Variants in SAMD4B observed in about 807,000 individuals in gnomAD.
The protein encoded by SAMD4B is protein Smaug homolog 2.
SAMD4B carries 5 observed loss-of-function variants against 74.5 expected under a neutral mutation model. The ratio of observed to expected loss-of-function variants is 0.07; its 90% CI spans 0.04 to 0.14. SAMD4B has a LOEUF of 0.14. Among genes scored for constraint, SAMD4B ranks in the 10% least tolerant of loss-of-function variants. SAMD4B has a pLI of 1.00. For missense variants in SAMD4B, 608 were observed against 921.8 expected (o/e 0.66, Z 4.41); for synonymous variants, 373 against 374.9 (o/e 1.00, Z 0.06).
At chr19:39,389,118 T>G (rs754387009), downstream of SAMD4B, 3 of 1,614,128 alleles carry the variant, frequency 1.9e-6, no homozygotes, top group Non-Finnish European at 2.5e-6. The surrounding 1 kb of genome is among the most constrained non-coding windows in gnomAD (Gnocchi z 5.3). Context: ...CTCAAAAGTC[T>G]TCTCAATGGC....
At chr19:39,366,714 A>C (rs1459132736) in intron 3 of SAMD4B, among the ~76,000 whole-genome samples, 1 of 152,214 alleles carries the variant, frequency 6.6e-6, no homozygotes, top group African/African-American at 2.4e-5. Context: ...ATGCAAGGCC[A>C]GGTGTCCATC....
intron 4 of SAMD4B, among the ~76,000 whole-genome samples, chr19:39,372,217 A>C (rs1411666083): frequency 1.3e-5 from 2 of 152,190 alleles, no homozygotes; most frequent in Non-Finnish European, 2.9e-5. Flanking sequence ...GACAGTATAC[A>C]GACAGATCTG....
intron 1 of SAMD4B, chr19:39,350,422 A>G (rs2075968335): frequency 6.6e-6 from 1 of 152,176 alleles, no homozygotes; most frequent in South Asian, 2.1e-4. Flanking sequence ...GCCTTTTCTC[A>G]CTGTTTGGGG....
chr19:39,368,077 G>A (rs933282441), intron 3 of SAMD4B, among the ~76,000 whole-genome samples: 6 of 151,944 alleles, frequency 3.9e-5, no homozygotes, highest in Non-Finnish European at 5.9e-5. Flanking sequence ...AGCTGGGCGT[G>A]GTGGTGGGCG....
intron 3 of SAMD4B, among the ~76,000 whole-genome samples, chr19:39,361,345 C>T (rs1027482804): frequency 3.3e-4 from 50 of 151,506 alleles, no homozygotes; most frequent in African/African-American, 1.2e-3. Flanking sequence ...GGCCGGGCGC[C>T]ATGGCTCACA....
chr19:39,389,104 C>T (rs1301031928), downstream of SAMD4B: 1 of 1,613,822 alleles, frequency 6.2e-7, no homozygotes, highest in Non-Finnish European at 8.5e-7. The surrounding 1 kb of genome is among the most constrained non-coding windows in gnomAD (Gnocchi z 5.3). Context: ...GATTTCTGGG[C>T]ATCCTCAAAA....
At position 39,383,543 on chromosome 19, in the gene SAMD4B, A is replaced by G; in HGVS notation, c.*16A>G. ...CACCATCTGACGGGACCCACAGCCC[A>G]GCGCACCCATAGGCTCCCTGGGCGG... On this transcript the variant is annotated 3_prime_UTR_variant, in exon 14 of 14. Transcript: ENST00000610417. The surrounding 1 kb of genome is among the most constrained non-coding windows in gnomAD (Gnocchi z 4.1). 6.2e-7 allele frequency: 1 copy of G among 1,614,226 alleles called. No individual in the cohort carries two copies.
rs991986131 is a variant in SAMD4B at position 39,374,263 on chromosome 19, C to CA, written c.668-1376dup. The stretch of plus-strand genomic sequence containing the variant: ...TCGGCGACAGAGCAAAACTCCATCT[C>CA]AAAAAAAAAAATCAAGTTGGATTCC... On this transcript the variant is annotated intron_variant, in intron 4 of 13. Coordinates refer to ENST00000610417, the MANE Select transcript of SAMD4B (RefSeq NM_001384574.2). Among the ~76,000 whole-genome samples the CA allele has an allele frequency of 4.3e-3, 625 of 145,530 alleles. 4 individuals are homozygous for CA. Among genetic ancestry groups the CA allele is most frequent in the African/African-American group, 0.015 (581 of 39,766 alleles).
chr19:39,359,021 A>T (rs1468037530), intron 3 of SAMD4B, among the ~76,000 whole-genome samples: 1 of 152,218 alleles, frequency 6.6e-6, no homozygotes, highest in Non-Finnish European at 1.5e-5. Flanking sequence ...GTCTGGCAGT[A>T]AGTTCTTAGT....
downstream of SAMD4B, chr19:39,388,791 CG>C: frequency 6.2e-7 from 1 of 1,614,144 alleles, no homozygotes; most frequent in Non-Finnish European, 8.5e-7. Context: ...TCATCTCCAA[CG>C]CAGCTGCACC....
chr19:39,383,542 C>T lies in SAMD4B; in HGVS notation c.*15C>T. On this transcript the variant is annotated 3_prime_UTR_variant, in exon 14 of 14. Transcript: ENST00000610417. The surrounding 1 kb of genome is among the most constrained non-coding windows in gnomAD (Gnocchi z 4.1). ...CCACCATCTGACGGGACCCACAGCC[C>T]AGCGCACCCATAGGCTCCCTGGGCG... 1 of 1,614,260 alleles carries T rather than the reference C, an allele frequency of 6.2e-7. No homozygotes were observed. Among genetic ancestry groups the T allele is most frequent in the Non-Finnish European group, 8.5e-7 (1 of 1,180,048 alleles).
At chr19:39,389,576 T>G, downstream of SAMD4B, 1 of 1,614,050 alleles carries the variant, frequency 6.2e-7, no homozygotes, top group Non-Finnish European at 8.5e-7. The surrounding 1 kb of genome is among the most constrained non-coding windows in gnomAD (Gnocchi z 5.3). Context: ...AGGAGGACCA[T>G]GAGGGAGGCC....
At chr19:39,390,733 G>A in the SAMD4B span, 4 of 1,406,042 alleles carry the variant, frequency 2.8e-6, no homozygotes, top group Non-Finnish European at 3.9e-6. Context: ...GACGTCACGG[G>A]CAGACCTGGG....
chr19:39,372,057 T>C (rs1046992900), intron 4 of SAMD4B, among the ~76,000 whole-genome samples: 5 of 152,144 alleles, frequency 3.3e-5, no homozygotes, highest in African/African-American at 1.2e-4. Context: ...TTCATACCTT[T>C]TGTGCTCCCC....
At chr19:39,382,943 G>T (rs993806208) in intron 12 of SAMD4B, among the ~76,000 whole-genome samples, 10 of 152,188 alleles carry the variant, frequency 6.6e-5, no homozygotes, top group Admixed American at 2.0e-4. Context: ...CAGGCTGTGT[G>T]TGGCCTCCAG....
At chr19:39,389,251 C>T, downstream of SAMD4B, 2 of 1,609,356 alleles carry the variant, frequency 1.2e-6, no homozygotes, top group Non-Finnish European at 1.7e-6. This position sits in a 1 kb window ranked among gnomAD's most constrained non-coding sequence, Gnocchi z 5.3. Context: ...CTAATATCTC[C>T]ACCTTCCCTC....
At chr19:39,388,200 G>T, downstream of SAMD4B, 1 of 813,756 alleles carries the variant, frequency 1.2e-6, no homozygotes, top group Non-Finnish European at 2.0e-6. Flanking sequence ...TCATGTGCAT[G>T]ACCAGACATC....
At chr19:39,351,519 G>A (rs756881711) in intron 1 of SAMD4B, 1 of 152,166 alleles carries the variant, frequency 6.6e-6, no homozygotes, top group African/African-American at 2.4e-5. Flanking sequence ...AATTGTCAAG[G>A]CTCTTTCAGT....
intron 3 of SAMD4B, among the ~76,000 whole-genome samples, chr19:39,358,214 T>A (rs1338849484): frequency 6.6e-6 from 1 of 152,174 alleles, no homozygotes; most frequent in Non-Finnish European, 1.5e-5. Context: ...GAGGTTGCAG[T>A]GAGCCAAAAT....
Sources: gnomAD v4.1 joint callset for allele counts (sites outside exome capture counted in the v4.1 genomes callset) on GRCh38, gnomAD v4.1.1 for gene constraint, Gnocchi (gnomAD v3.1) non-coding constraint, MANE v1.5 for transcripts, NCBI Gene and HGNC (gene_info 2026-07-23, HGNC 2026-07-21) for gene names.